The following RASSF6 variants were observed in gnomAD, a reference collection of about 807,000 sequenced individuals.
The protein encoded by RASSF6 is Ras association domain family member 6, also known as ras association domain-containing protein 6.
A neutral mutation model predicts 44.0 loss-of-function variants in RASSF6; 52 were observed. The observed-to-expected ratio is 1.18, with a 90% CI of 0.95 to 1.49. RASSF6 has a LOEUF of 1.49. Ranked by LOEUF, RASSF6 falls within the 40% of genes most tolerant of loss-of-function variation. RASSF6 has a pLI of 0.00. For missense variants in RASSF6, 464 were observed against 393.3 expected (o/e 1.18, Z -1.52); for synonymous variants, 162 against 124.6 (o/e 1.30, Z -2.00).
chr4:73,611,252 A>T (rs1207705260), intron 2 of RASSF6, among the ~76,000 whole-genome samples: 1 of 152,178 alleles, frequency 6.6e-6, no homozygotes, highest in Non-Finnish European at 1.5e-5. Flanking sequence ...TTGTTCCCAA[A>T]GCAATATGAG....
At chr4:73,582,923 G>T (rs1311521934) in intron 6 of RASSF6, among the ~76,000 whole-genome samples, 1 of 152,064 alleles carries the variant, frequency 6.6e-6, no homozygotes, top group Non-Finnish European at 1.5e-5. Context: ...TGTGGAGAGT[G>T]TCTAGGATAA....
intron 8 of RASSF6, among the ~76,000 whole-genome samples, chr4:73,578,486 G>A (rs1723390623): frequency 6.6e-6 from 1 of 152,176 alleles, no homozygotes; most frequent in Admixed American, 6.5e-5. Context: ...AAAGTATAAA[G>A]CAGGAAGTAA....
intron 7 of RASSF6, 93 bp downstream of exon 7, chr4:73,582,096 C>T: frequency 2.8e-6 from 2 of 703,334 alleles, no homozygotes; most frequent in Non-Finnish European, 4.7e-6. Flanking sequence ...TAGATTTACA[C>T]CTTTATAGAT....
intron 4 of RASSF6, among the ~76,000 whole-genome samples, chr4:73,588,783 G>GTCATCATCATCATCATCATCA (rs71217483): frequency 5.4e-5 from 8 of 148,592 alleles, no homozygotes; most frequent in South Asian, 2.2e-4. Context: ...CATCTCCATT[G>GTCATCATCATCATCATCATCA]TCATCATCAT....
At position 73,579,996 on chromosome 4, in the gene RASSF6, G is replaced by A. The variant is rs377230304; in HGVS notation, c.721+1821C>T. 8.6e-5 allele frequency among the ~76,000 whole-genome samples: 13 copies of A among 150,756 alleles called. No homozygotes were observed. The South Asian group carries it at 1.1e-3, about 12-fold the overall frequency. On this transcript the variant is annotated intron_variant, in intron 8 of 10. Transcript: ENST00000307439. Reference sequence around the variant, plus strand: ...ACTAACTCGTCATCTAGCATTAGGTGTATCTCCTAATGCTATCCCTCCCCC... The same window carrying A: ...ACTAACTCGTCATCTAGCATTAGGTATATCTCCTAATGCTATCCCTCCCCC...
At position 73,572,907 on chromosome 4, in the gene RASSF6, GTATA is replaced by G. The variant is rs963033496; in HGVS notation, c.*3324_*3327del. On this transcript the variant is annotated 3_prime_UTR_variant, in exon 11 of 11. Coordinates refer to ENST00000307439, the MANE Select transcript of RASSF6 (RefSeq NM_177532.5). ...TTTAACATGTTTTTATTTCTTGTGTGTATATATATGCAAATATTAGTGTTCACAC... is the reference window on the plus strand; with the variant it reads ...TTTAACATGTTTTTATTTCTTGTGTGTATATGCAAATATTAGTGTTCACAC... The G allele has an allele frequency of 6.6e-6, 1 of 151,826 alleles. No homozygotes were observed. The highest frequency in any genetic ancestry group is 1.5e-5 in the Non-Finnish European group (1 of 67,962). The allele number at this position is 151,826 out of a possible 1,614,324, so 9.4% of individuals were successfully genotyped here.
At chr4:73,581,609 T>C (rs1415357259) in intron 8 of RASSF6, among the ~76,000 whole-genome samples, 6 of 152,178 alleles carry the variant, frequency 3.9e-5, no homozygotes, top group Non-Finnish European at 5.9e-5. Context: ...TTTCATATAA[T>C]CAACCCTTCA....
rs187030248 is a variant in RASSF6 at position 73,609,137 on chromosome 4, C to G, written c.65+2594G>C. On this transcript the variant is annotated intron_variant, in intron 2 of 10. Transcript: ENST00000307439. ...TAGGTTACTAAGTAGCAGAAAAAGTCTGATAGGTTCTGAGAGTGAAATCTG... is the reference window on the plus strand; with the variant it reads ...TAGGTTACTAAGTAGCAGAAAAAGTGTGATAGGTTCTGAGAGTGAAATCTG... Among the ~76,000 whole-genome samples the G allele has an allele frequency of 1.3e-4, 20 of 152,222 alleles. No individual in the cohort carries two copies. The East Asian group carries it at 3.5e-3, about 26-fold the overall frequency.
chr4:73,598,810 GAAAT>G, intron 2 of RASSF6, 92 bp from the exon 3 acceptor site: 1 of 559,368 alleles, frequency 1.8e-6, no homozygotes, highest in Non-Finnish European at 3.0e-6. Context: ...GAGATAGAAA[GAAAT>G]AGTTTAATGG....
chr4:73,589,405 A>G (rs1724354905), intron 4 of RASSF6, among the ~76,000 whole-genome samples: 1 of 152,090 alleles, frequency 6.6e-6, no homozygotes, highest in Admixed American at 6.6e-5. Flanking sequence ...GGAAAAGTCA[A>G]TACCAATGAA....
chr4:73,602,311 G>C (rs1018652494), intron 2 of RASSF6, among the ~76,000 whole-genome samples: 4 of 152,210 alleles, frequency 2.6e-5, no homozygotes, highest in African/African-American at 7.2e-5. Context: ...AGACAAGATA[G>C]AGCCAGCAAG....
chr4:73,583,037 G>A (rs1241323350), intron 6 of RASSF6, among the ~76,000 whole-genome samples: 1 of 152,046 alleles, frequency 6.6e-6, no homozygotes, highest in African/African-American at 2.4e-5. Context: ...AAAACCACAT[G>A]TTCATCCTGC....
At chr4:73,595,451 G>C (rs528244702) in intron 3 of RASSF6, among the ~76,000 whole-genome samples, 1 of 151,950 alleles carries the variant, frequency 6.6e-6, no homozygotes, top group Non-Finnish European at 1.5e-5. Context: ...CACCTGCCTC[G>C]GCCTCCCAAA....
chr4:73,616,090 T>A (rs1365833660), intron 1 of RASSF6, among the ~76,000 whole-genome samples: 7 of 152,246 alleles, frequency 4.6e-5, no homozygotes, highest in Admixed American at 3.9e-4. Flanking sequence ...TCTCTGCACC[T>A]GCTACCGTGC....
chr4:73,610,315 A>G (rs535467920), intron 2 of RASSF6, among the ~76,000 whole-genome samples: 22 of 152,038 alleles, frequency 1.4e-4, no homozygotes, highest in Admixed American at 3.9e-4. Context: ...AGCAACCTTC[A>G]TCTCCACCCT....
intron 4 of RASSF6, among the ~76,000 whole-genome samples, chr4:73,590,023 A>G (rs1420680884): frequency 6.6e-6 from 1 of 152,194 alleles, no homozygotes; most frequent in East Asian, 1.9e-4. Context: ...GTTTTGAAAG[A>G]TATTAAAAAC....
chr4:73,599,614 T>A (rs531165225), intron 2 of RASSF6, among the ~76,000 whole-genome samples: 1 of 152,310 alleles, frequency 6.6e-6, no homozygotes, highest in East Asian at 1.9e-4. Context: ...CTATTCTATC[T>A]TTCTCTCAGT....
At chr4:73,585,517 T>C (rs1724020475) in intron 5 of RASSF6, among the ~76,000 whole-genome samples, 153 bp from the exon 6 acceptor site, 1 of 152,136 alleles carries the variant, frequency 6.6e-6, no homozygotes. Context: ...CATATTTACT[T>C]ATTAAATGTT....
chr4:73,619,416 G>A (rs889923862), intron 1 of RASSF6, among the ~76,000 whole-genome samples: 2 of 152,188 alleles, frequency 1.3e-5, no homozygotes, highest in African/African-American at 4.8e-5. Flanking sequence ...CCGGGAACCA[G>A]TTCAATTCCA....
Sources: gnomAD v4.1 joint callset for allele counts (sites outside exome capture counted in the v4.1 genomes callset) on GRCh38, gnomAD v4.1.1 for gene constraint, MANE v1.5 for transcripts, NCBI Gene and HGNC (gene_info 2026-07-23, HGNC 2026-07-21) for gene names.